Variants in CCDC73 observed in about 807,000 individuals in gnomAD.
The protein encoded by CCDC73 is coiled-coil domain containing 73, also known as coiled-coil domain-containing protein 73.
CCDC73 carries 95 observed loss-of-function variants against 116.5 expected under a neutral mutation model. The ratio of observed to expected loss-of-function variants is 0.82; its 90% CI spans 0.69 to 0.97. The LOEUF is 0.97. Among genes scored for constraint, CCDC73 ranks in the 50% least tolerant of loss-of-function variants. The pLI is 0.00. For synonymous variants in CCDC73, 398 were observed against 401.3 expected (o/e 0.99, Z 0.10); for missense variants, 1,066 against 1,206.8 (o/e 0.88, Z 1.73).
At chr11:32,633,834 C>T (rs1187531949) in intron 14 of CCDC73, among the ~76,000 whole-genome samples, 1 of 152,064 alleles carries the variant, frequency 6.6e-6, no homozygotes, top group African/African-American at 2.4e-5. Flanking sequence ...ATTGTTTGTA[C>T]TAATAGTTTA....
At chr11:32,705,006 A>G (rs1849843878) in intron 3 of CCDC73, among the ~76,000 whole-genome samples, 1 of 152,178 alleles carries the variant, frequency 6.6e-6, no homozygotes, top group South Asian at 2.1e-4. Context: ...AGATGGCAGG[A>G]GCAAAAGAAG....
At chr11:32,829,925 T>C in the CCDC73 span, 5 of 985,520 alleles carry the variant, frequency 5.1e-6, no homozygotes, top group Non-Finnish European at 6.0e-6. Context: ...CCTCCTCCCG[T>C]CCTCCGTCGG....
chr11:32,686,209 CAAAA>C (rs34582756), intron 6 of CCDC73, among the ~76,000 whole-genome samples: 1 of 56,860 alleles, frequency 1.8e-5, no homozygotes, highest in African/African-American at 7.9e-5. Flanking sequence ...GAGGGAAAGC[CAAAA>C]AAAAAAAAAA....
chr11:32,631,574 G>A (rs2762970), intron 14 of CCDC73, among the ~76,000 whole-genome samples: 1 of 81,716 alleles, frequency 1.2e-5, no homozygotes, highest in African/African-American at 3.6e-5. Context: ...AACCTCATCA[G>A]GAAAGGAAGG....
In CCDC73 at chr11:32,648,628, T is replaced by C. The variant is rs7944267; in HGVS notation, c.939+4495A>G. Among the ~76,000 whole-genome samples the C allele has an allele frequency of 2.6e-3, 394 of 152,236 alleles. 2 individuals carry two copies. Among genetic ancestry groups the C allele is most frequent in the African/African-American group, 8.5e-3 (354 of 41,544 alleles). ...GTGCAGTGGTGCAATCTCAGCTCAC[T>C]GCAACCTCTGCCTCCCAGGTTCAAG... On this transcript the variant is annotated intron_variant, in intron 12 of 17. Transcript: ENST00000335185.
chr11:32,786,403 TAATA>T (rs1351525289), intron 1 of CCDC73, among the ~76,000 whole-genome samples: 6 of 108,488 alleles, frequency 5.5e-5, no homozygotes, highest in Admixed American at 2.9e-4. Context: ...TTATAATATA[TAATA>T]AATATATTAT....
intron 2 of CCDC73, among the ~76,000 whole-genome samples, chr11:32,737,232 T>G (rs1365235839): frequency 8.5e-5 from 1 of 11,738 alleles, no homozygotes; most frequent in Non-Finnish European, 1.7e-4. Context: ...ATAGTAGGGC[T>G]GTGTGTGTGT....
intron 1 of CCDC73, among the ~76,000 whole-genome samples, chr11:32,791,962 C>T (rs1590650397): frequency 6.8e-6 from 1 of 146,618 alleles, no homozygotes; most frequent in East Asian, 2.1e-4. Flanking sequence ...CAGACCCTGT[C>T]TCAAAAAAAA....
At chr11:32,829,965 C>G in the CCDC73 span, 3 of 985,608 alleles carry the variant, frequency 3.0e-6, no homozygotes, top group Non-Finnish European at 3.6e-6. Context: ...CAGGACCTCA[C>G]CCCGCGCGTG....
chr11:32,606,938 G>A (rs1203713981), intron 17 of CCDC73, among the ~76,000 whole-genome samples: 7 of 149,968 alleles, frequency 4.7e-5, no homozygotes, highest in African/African-American at 4.9e-5. Context: ...CACCACACCC[G>A]GACAGTTTTT....
intron 2 of CCDC73, among the ~76,000 whole-genome samples, chr11:32,742,606 T>C (rs1332059083): frequency 6.6e-6 from 1 of 152,246 alleles, no homozygotes; most frequent in African/African-American, 2.4e-5. Context: ...TTCTGTAGGT[T>C]GCCTGTTCAC....
chr11:32,798,915 T>TGCG (rs572175533), upstream of CCDC73, among the ~76,000 whole-genome samples: 1 of 143,086 alleles, frequency 7.0e-6, no homozygotes, highest in South Asian at 2.3e-4. Flanking sequence ...TTGTTTGTTT[T>TGCG]GGGGGGGGGC....
At chr11:32,750,633 A>T (rs1290490835) in intron 2 of CCDC73, among the ~76,000 whole-genome samples, 7 of 152,160 alleles carry the variant, frequency 4.6e-5, no homozygotes, top group Admixed American at 6.5e-5. Flanking sequence ...ACCACAGCCA[A>T]CAGGGAGTAT....
intron 17 of CCDC73, among the ~76,000 whole-genome samples, chr11:32,607,131 C>G (rs866949017): frequency 5.0e-5 from 6 of 118,992 alleles, no homozygotes; most frequent in Admixed American, 4.4e-4. Flanking sequence ...CTCGCTCTGT[C>G]GCCCAGGCTG....
At chr11:32,607,388 G>A (rs1018173739) in intron 17 of CCDC73, among the ~76,000 whole-genome samples, 4 of 152,032 alleles carry the variant, frequency 2.6e-5, no homozygotes, top group Non-Finnish European at 4.4e-5. Flanking sequence ...CACCGCGCCC[G>A]GCCCAAAAAT....
intron 2 of CCDC73, among the ~76,000 whole-genome samples, chr11:32,720,120 C>T (rs1376168447): frequency 2.0e-5 from 3 of 152,246 alleles, no homozygotes; most frequent in South Asian, 4.1e-4. Flanking sequence ...ATACTTCTCA[C>T]AAATTTTGAT....
intron 1 of CCDC73, among the ~76,000 whole-genome samples, chr11:32,765,317 T>C (rs1245044120): frequency 6.6e-6 from 1 of 152,234 alleles, no homozygotes; most frequent in Non-Finnish European, 1.5e-5. Context: ...TATACATTCT[T>C]CTCAGCACCA....
At chr11:32,734,313 T>C (rs1439995692) in intron 2 of CCDC73, among the ~76,000 whole-genome samples, 1 of 152,052 alleles carries the variant, frequency 6.6e-6, no homozygotes, top group Non-Finnish European at 1.5e-5. Context: ...CAGGACCAGA[T>C]GGATTCACAG....
chr11:32,678,273 C>T (rs1412204981), intron 7 of CCDC73, among the ~76,000 whole-genome samples: 3 of 151,760 alleles, frequency 2.0e-5, no homozygotes, highest in Admixed American at 6.6e-5. Context: ...AGTGAGACTC[C>T]GTCTCAAAAT....
Sources: gnomAD v4.1 joint callset for allele counts (sites outside exome capture counted in the v4.1 genomes callset) on GRCh38, gnomAD v4.1.1 for gene constraint, MANE v1.5 for transcripts, NCBI Gene and HGNC (gene_info 2026-07-23, HGNC 2026-07-21) for gene names.